CNPY2: variants seen among roughly 807,000 people sequenced by gnomAD.
CNPY2 encodes protein canopy homolog 2.
In CNPY2, 19 loss-of-function variants were observed where a neutral mutation model predicts 25.5. The observed-to-expected ratio is 0.74, with a 90% CI of 0.52 to 1.09. The LOEUF is 1.09. Among genes scored for constraint, CNPY2 ranks in the 50% least tolerant of loss-of-function variants. The probability of loss-of-function intolerance (pLI) is 0.00; values close to 1 mark genes in which losing one functional copy is unlikely to be tolerated. For missense variants in CNPY2, 214 were observed against 233.6 expected (o/e 0.92, Z 0.55); for synonymous variants, 82 against 85.0 (o/e 0.96, Z 0.19).
At chr12:56,313,937 T>G (rs781591935) in intron 3 of CNPY2, among the ~76,000 whole-genome samples, 10 of 151,298 alleles carry the variant, frequency 6.6e-5, no homozygotes, top group Admixed American at 2.0e-4. Context: ...GTTTTGTTCT[T>G]GTCAACCAGA....
At chr12:56,314,816 T>C (rs1445590837) in intron 3 of CNPY2, 35 bp downstream of exon 3, 1 of 1,613,660 alleles carries the variant, frequency 6.2e-7, no homozygotes, top group East Asian at 2.2e-5. Flanking sequence ...AAAGCCAGAG[T>C]GAGCTACTTT....
chr12:56,315,279 GC>G, intron 1 of CNPY2, 37 bp from the exon 2 acceptor site: 1 of 1,321,080 alleles, frequency 7.6e-7, no homozygotes. Flanking sequence ...AGTGTGAGGA[GC>G]CGACTCCATT....
At chr12:56,313,611 C>CT (rs1346568653) in intron 3 of CNPY2, among the ~76,000 whole-genome samples, 6,796 of 142,632 alleles carry the variant, frequency 0.048, 530 homozygotes, top group African/African-American at 0.16. Flanking sequence ...TTTTTCTTTT[C>CT]TTTTTTTTTT....
rs747666634 is a variant in CNPY2 at position 56,314,795 on chromosome 12, G to C, written c.204+56C>G. 16 of 1,613,658 alleles carry C rather than the reference G, an allele frequency of 9.9e-6. No homozygotes were observed. In the African/African-American group the frequency reaches 2.1e-4, roughly 22 times the overall value. On this transcript the variant is annotated intron_variant, in intron 3 of 5. Transcript: ENST00000273308. ...AAACCAAGGTCCTTTTTAAGCAGTC[G>C]AATTTCATCCAAAGCCAGAGTGAGC...
At chr12:56,315,096 C>T in intron 2 of CNPY2, 34 bp downstream of exon 2, 1 of 1,607,538 alleles carries the variant, frequency 6.2e-7, no homozygotes, top group African/African-American at 1.3e-5. Context: ...CAAGGCTCTG[C>T]TTCCTCCACT....
chr12:56,311,106 C>A, intron 4 of CNPY2, 52 bp from the exon 5 acceptor site: 1 of 1,602,680 alleles, frequency 6.2e-7, no homozygotes, highest in Non-Finnish European at 8.5e-7. Context: ...AGGCCTCTTG[C>A]CTTCACTTCC....
rs1286809745 is a variant in CNPY2, at chr12:56,309,873, T to C, written c.*679A>G. 1.4e-5 allele frequency: 10 copies of C among 701,562 alleles called. No homozygotes were observed. The highest frequency in any genetic ancestry group is 2.1e-5 in the Non-Finnish European group (8 of 384,582). 43.5% of individuals were successfully genotyped at this position (701,562 alleles called of 1,614,324 possible). A position where few individuals can be genotyped will look rare whatever the true frequency, so the allele number is the denominator to read the frequency against. On this transcript the variant is annotated 3_prime_UTR_variant, in exon 6 of 6. Coordinates refer to ENST00000273308, the MANE Select transcript of CNPY2 (RefSeq NM_014255.7). ...GATAGATACACTTTATTGTTGCCAC[T>C]GGCATCAAATTTAAAAGCTTAGGCT...
chr12:56,314,662 A>AT lies in CNPY2; in HGVS notation c.204+188dup, dbSNP rs1873831300. 2.1e-6 allele frequency: 3 copies of AT among 1,445,376 alleles called. No homozygotes were observed. In the African/African-American group the frequency reaches 4.3e-5, roughly 21 times the overall value. The allele number at this position is 1,445,376 out of a possible 1,614,324, so 89.5% of individuals were successfully genotyped here. ...ACAAATTCTACAGCAGAAACAAAGTATTAAGGTTTGCAGCCAGGAAGCAAG... is the reference window on the plus strand; with the variant it reads ...ACAAATTCTACAGCAGAAACAAAGTATTTAAGGTTTGCAGCCAGGAAGCAAG... On this transcript the variant is annotated intron_variant, in intron 3 of 5. Coordinates refer to ENST00000273308, the MANE Select transcript of CNPY2 (RefSeq NM_014255.7).
intron 3 of CNPY2, 31 bp from the exon 4 acceptor site, chr12:56,311,445 C>T (rs1873714350): frequency 6.3e-7 from 1 of 1,592,902 alleles, no homozygotes; most frequent in Non-Finnish European, 8.6e-7. Flanking sequence ...GGGTCACTCT[C>T]TTCTACCTCT....
chr12:56,309,919 A>G lies in CNPY2; in HGVS notation c.*633T>C. ...AGGCTGGCAAGCAAGGCCTCTCATT[A>G]AACAACCTTCCTTACCTCGTCTGTC... On this transcript the variant is annotated 3_prime_UTR_variant, in exon 6 of 6. Coordinates refer to ENST00000273308, the MANE Select transcript of CNPY2 (RefSeq NM_014255.7). 2 of 702,270 alleles carry G rather than the reference A, an allele frequency of 2.8e-6. No individual in the cohort carries two copies. The highest frequency in any genetic ancestry group is 5.2e-6 in the Non-Finnish European group (2 of 384,772). 43.5% of individuals were successfully genotyped at this position (702,270 alleles called of 1,614,324 possible). A position where few individuals can be genotyped will look rare whatever the true frequency, so the allele number is the denominator to read the frequency against.
chr12:56,312,577 C>CT (rs1049251630), intron 3 of CNPY2: 79 of 134,088 alleles, frequency 5.9e-4, no homozygotes, highest in Middle Eastern at 3.8e-3. Context: ...TTTTTTTTTT[C>CT]TTTTTTTTTT....
At chr12:56,312,817 C>T (rs537343517) in intron 3 of CNPY2, 4 of 152,052 alleles carry the variant, frequency 2.6e-5, no homozygotes, top group Admixed American at 1.3e-4. Context: ...GTAATCCACC[C>T]GCCTCAGCCT....
chr12:56,315,069 T>G (rs1873857559), intron 2 of CNPY2, 61 bp downstream of exon 2: 9 of 1,600,676 alleles, frequency 5.6e-6, no homozygotes, highest in Non-Finnish European at 7.7e-6. Flanking sequence ...TCCCAGGCCT[T>G]GGATCTCATG....
At chr12:56,312,605 CTT>C (rs1397175418) in intron 3 of CNPY2, 12 of 142,166 alleles carry the variant, frequency 8.4e-5, no homozygotes, top group Admixed American at 6.4e-4. Context: ...GAGTTTCACT[CTT>C]GTTGCCCAGG....
chr12:56,314,665 A>G lies in CNPY2; in HGVS notation c.204+186T>C, dbSNP rs993915273. ...AATTCTACAGCAGAAACAAAGTATT[A>G]AGGTTTGCAGCCAGGAAGCAAGTGC... On this transcript the variant is annotated intron_variant, in intron 3 of 5. Coordinates refer to ENST00000273308, the MANE Select transcript of CNPY2 (RefSeq NM_014255.7). 74 of 1,446,930 alleles carry G rather than the reference A, an allele frequency of 5.1e-5. No homozygotes were observed. The African/African-American group carries it at 1.0e-3, about 20-fold the overall frequency. The allele number at this position is 1,446,930 out of a possible 1,614,324, so 89.6% of individuals were successfully genotyped here. A position where few individuals can be genotyped will look rare whatever the true frequency, so the allele number is the denominator to read the frequency against.
intron 3 of CNPY2, chr12:56,314,397 C>G: frequency 2.0e-6 from 2 of 1,014,364 alleles, no homozygotes; most frequent in Non-Finnish European, 2.4e-6. Context: ...GCACTGTAAT[C>G]TTAACACTGC....
chr12:56,311,438 T>A (rs1325792158), intron 3 of CNPY2, 24 bp from the exon 4 acceptor site: 7 of 1,607,768 alleles, frequency 4.4e-6, no homozygotes, highest in Non-Finnish European at 4.3e-6. Flanking sequence ...CAGCCTTGGG[T>A]CACTCTCTTC....
chr12:56,310,555 T>C lies in CNPY2; in HGVS notation c.546A>G (p.Leu182=), dbSNP rs746026938. The part of the protein sequence containing the change: ...DHALHISHDE[L] ...CAGTGTGGGCTGCTCCAGTGGTTCA[T>C]AGCTCATCATGCGATATGTGCAGGG... Residue 182 remains leucine, a synonymous_variant, in exon 6 of 6, where the codon CTA becomes CTG. Transcript: ENST00000273308. 3 of 1,614,228 alleles carry C rather than the reference T, an allele frequency of 1.9e-6. No homozygotes were observed. The highest frequency in any genetic ancestry group is 2.5e-6 in the Non-Finnish European group (3 of 1,180,036).
chr12:56,310,872 T>A, intron 5 of CNPY2, 86 bp downstream of exon 5: 1 of 1,230,998 alleles, frequency 8.1e-7, no homozygotes, highest in Non-Finnish European at 1.2e-6. Flanking sequence ...TACCAGAGGT[T>A]TCTGGGATGG....
Sources: allele counts gnomAD v4.1 joint callset (sites outside exome capture counted in the v4.1 genomes callset), GRCh38; gene constraint gnomAD v4.1.1; transcripts MANE v1.5; gene names NCBI Gene and HGNC (gene_info 2026-07-23, HGNC 2026-07-21).